PDE4D: variants seen among roughly 807,000 people sequenced by gnomAD.
The protein encoded by PDE4D is phosphodiesterase 4D.
Under a neutral mutation model 87.4 loss-of-function variants are expected in PDE4D, and 24 were observed. The ratio of observed to expected loss-of-function variants is 0.27; its 90% CI spans 0.20 to 0.39. The LOEUF (loss-of-function observed/expected upper bound fraction) is 0.39. PDE4D is among the 10% of genes least tolerant of loss of function. The pLI is 1.00. For missense variants in PDE4D, 714 were observed against 1,041.0 expected (o/e 0.69, Z 4.32); for synonymous variants, 384 against 383.2 (o/e 1.00, Z -0.02).
intron 1 of PDE4D, among the ~76,000 whole-genome samples, chr5:59,771,542 G>GAA (rs1763575313): frequency 6.7e-6 from 1 of 148,782 alleles, no homozygotes; most frequent in Non-Finnish European, 1.5e-5. Flanking sequence ...AAGAAAGAAA[G>GAA]AAAGAAAGAA....
intron 6 of PDE4D, among the ~76,000 whole-genome samples, chr5:59,021,506 G>T (rs1435016472): frequency 1.3e-5 from 2 of 152,086 alleles, no homozygotes; most frequent in Non-Finnish European, 2.9e-5. Context: ...TTTAAAAATA[G>T]TTCCATTCCT....
chr5:59,578,950 T>C (rs1015395979), intron 1 of PDE4D, among the ~76,000 whole-genome samples: 1 of 152,100 alleles, frequency 6.6e-6, no homozygotes, highest in African/African-American at 2.4e-5. Flanking sequence ...TTTCCTCCTC[T>C]TCTTCTCCTC....
chr5:60,043,312 T>TA (rs1458645408), intron 2 of PDE4D, among the ~76,000 whole-genome samples: 2 of 152,066 alleles, frequency 1.3e-5, no homozygotes, highest in Non-Finnish European at 2.9e-5. Flanking sequence ...AAAACAAACT[T>TA]ACGTTTGATT....
At chr5:59,159,669 T>C (rs1780756822) in intron 5 of PDE4D, among the ~76,000 whole-genome samples, 1 of 152,234 alleles carries the variant, frequency 6.6e-6, no homozygotes, top group East Asian at 1.9e-4. Flanking sequence ...TAAACACTTG[T>C]AGGATCTTGT....
At chr5:60,495,647 C>T (rs1054580927) in intron 1 of PDE4D, among the ~76,000 whole-genome samples, 4 of 152,230 alleles carry the variant, frequency 2.6e-5, no homozygotes, top group African/African-American at 9.6e-5. Context: ...TGACCTTTTG[C>T]TAAGTGAAAA....
chr5:59,234,092 ACTTT>A (rs780891857), intron 1 of PDE4D, among the ~76,000 whole-genome samples: 11 of 152,238 alleles, frequency 7.2e-5, no homozygotes, highest in Admixed American at 2.0e-4. Context: ...TTCATTGCTG[ACTTT>A]CTTTGTTTTG....
In PDE4D at chr5:60,018,256, A is replaced by G. The variant is rs118110836; in HGVS notation, c.43-29539T>C. Among the ~76,000 whole-genome samples the G allele has an allele frequency of 9.4e-4, 143 of 152,262 alleles. 1 individual carries two copies. The East Asian group carries it at 0.018, about 20-fold the overall frequency. On this transcript the variant is annotated intron_variant, in intron 2 of 16. Coordinates refer to the PDE4D transcript ENST00000502484. ...AGCAGCCAAACTAAACTTCATAAGC[A>G]AAGGAGAAATAAAATCCTTTTTAAA...
chr5:60,237,855 T>G (rs1239477486), intron 1 of PDE4D, among the ~76,000 whole-genome samples: 1 of 151,988 alleles, frequency 6.6e-6, no homozygotes, highest in Non-Finnish European at 1.5e-5. Flanking sequence ...GACATATCTG[T>G]ACAATTTTTG....
At chr5:59,522,149 C>CT (rs1474945941) in intron 1 of PDE4D, among the ~76,000 whole-genome samples, 3 of 152,088 alleles carry the variant, frequency 2.0e-5, no homozygotes, top group South Asian at 4.1e-4. Context: ...AGCTCAGCTC[C>CT]TTGGTGAAAA....
At chr5:60,072,866 C>A (rs1337839184) in intron 2 of PDE4D, among the ~76,000 whole-genome samples, 2 of 152,044 alleles carry the variant, frequency 1.3e-5, no homozygotes, top group East Asian at 3.8e-4. Flanking sequence ...TGTTTTTATA[C>A]CAGAATCATG....
intron 1 of PDE4D, among the ~76,000 whole-genome samples, chr5:59,358,106 A>G (rs1295142808): frequency 6.6e-6 from 1 of 152,252 alleles, no homozygotes; most frequent in Non-Finnish European, 1.5e-5. Context: ...TTTCAATAAA[A>G]GCTCAAGACA....
intron 5 of PDE4D, among the ~76,000 whole-genome samples, chr5:59,128,931 T>G (rs1775895386): frequency 6.6e-6 from 1 of 152,192 alleles, no homozygotes; most frequent in South Asian, 2.1e-4. Flanking sequence ...TGCGTCATGC[T>G]TTACTCAAGG....
rs1259548077 is a variant in PDE4D, at chr5:60,185,501, CTAAAA to C, written c.42+51_42+55del. ...ATAGCATTAAAATCCAAAACCAAAA[CTAAAA>C]TGTTATATGTACATGTGTTTAGAAA... On this transcript the variant is annotated intron_variant, in intron 2 of 16. Coordinates refer to the PDE4D transcript ENST00000502484. 2.5e-6 allele frequency: 3 copies of C among 1,217,718 alleles called. No individual in the cohort carries two copies. The East Asian group carries it at 7.7e-5, about 31-fold the overall frequency. 75.4% of individuals were successfully genotyped at this position (1,217,718 alleles called of 1,614,324 possible).
At chr5:60,485,108 A>G (rs1355758300) in intron 1 of PDE4D, among the ~76,000 whole-genome samples, 2 of 152,158 alleles carry the variant, frequency 1.3e-5, no homozygotes, top group African/African-American at 4.8e-5. Flanking sequence ...AATTAAATGA[A>G]AGCTCCTCTT....
At chr5:60,166,481 T>C (rs555644872) in intron 2 of PDE4D, among the ~76,000 whole-genome samples, 196 of 152,234 alleles carry the variant, frequency 1.3e-3, no homozygotes, top group Non-Finnish European at 1.7e-3. Context: ...ATTTACATCT[T>C]ATTATACTGC....
At chr5:60,091,951 T>TGAGGCAGGAGAATGGCGTG (rs2149311578) in intron 2 of PDE4D, among the ~76,000 whole-genome samples, 1 of 144,850 alleles carries the variant, frequency 6.9e-6, no homozygotes, top group African/African-American at 2.6e-5. Flanking sequence ...CTCGGGAGGC[T>TGAGGCAGGAGAATGGCGTG]GAGGCAGGAG....
chr5:60,042,940 A>G (rs529075082), intron 2 of PDE4D, among the ~76,000 whole-genome samples: 1 of 152,298 alleles, frequency 6.6e-6, no homozygotes, highest in Admixed American at 6.5e-5. Flanking sequence ...TGGATGGAGA[A>G]TGAATTTGAC....
At chr5:59,715,905 C>G (rs145671721) in intron 1 of PDE4D, among the ~76,000 whole-genome samples, 1 of 152,192 alleles carries the variant, frequency 6.6e-6, no homozygotes, top group Non-Finnish European at 1.5e-5. Flanking sequence ...TCTGGGGTTC[C>G]ACCCTGTGGG....
chr5:59,685,692 A>C (rs1324620797), intron 1 of PDE4D, among the ~76,000 whole-genome samples: 4 of 152,112 alleles, frequency 2.6e-5, no homozygotes, highest in Non-Finnish European at 4.4e-5. Context: ...TCAATTATTT[A>C]ACATAGCATT....
Sources: allele counts gnomAD v4.1 joint callset (sites outside exome capture counted in the v4.1 genomes callset), GRCh38; gene constraint gnomAD v4.1.1; transcripts MANE v1.5; gene names NCBI Gene and HGNC (gene_info 2026-07-23, HGNC 2026-07-21).